Variants in PYHIN1 observed in about 807,000 individuals in gnomAD.
The protein encoded by PYHIN1 is pyrin and HIN domain family member 1, also known as pyrin and HIN domain-containing protein 1.
PYHIN1 carries 32 observed loss-of-function variants against 43.7 expected under a neutral mutation model. That is an observed-to-expected ratio of 0.73 (90% CI 0.55 to 0.98). The LOEUF is 0.98. Ranked by LOEUF, PYHIN1 falls within the 50% of genes least tolerant of loss-of-function variation. The pLI, the probability that PYHIN1 is intolerant of heterozygous loss-of-function variation, is 0.00. For missense variants in PYHIN1, 588 were observed against 589.5 expected (o/e 1.00, Z 0.03); for synonymous variants, 205 against 203.1 (o/e 1.01, Z -0.08).
At chr1:158,940,552 T>C (rs78015443) in intron 4 of PYHIN1, among the ~76,000 whole-genome samples, 1 of 152,290 alleles carries the variant, frequency 6.6e-6, no homozygotes, top group East Asian at 1.9e-4. Context: ...TATGCATGTA[T>C]CAGCAATAGT....
intron 7 of PYHIN1, among the ~76,000 whole-genome samples, chr1:158,949,833 G>C (rs115322446): frequency 6.6e-6 from 1 of 152,184 alleles, no homozygotes; most frequent in Non-Finnish European, 1.5e-5. Context: ...AGCACAGGAA[G>C]GAATGTTTGG....
chr1:158,958,992 T>C (rs1393565553), intron 7 of PYHIN1, among the ~76,000 whole-genome samples: 6 of 151,674 alleles, frequency 4.0e-5, no homozygotes, highest in African/African-American at 1.2e-4. Context: ...TGTCCAGTGA[T>C]GAAACCCTGG....
chr1:158,946,556 T>C (rs1012204474), intron 7 of PYHIN1, among the ~76,000 whole-genome samples: 2 of 128,596 alleles, frequency 1.6e-5, no homozygotes, highest in Admixed American at 1.5e-4. Flanking sequence ...ATTAGATAGA[T>C]AGATAGATAG....
chr1:158,973,795 C>T, intron 8 of PYHIN1, 24 bp downstream of exon 8: 1 of 1,611,468 alleles, frequency 6.2e-7, no homozygotes, highest in Non-Finnish European at 8.5e-7. Flanking sequence ...ATTTGCATTG[C>T]TGTACCTCTA....
chr1:158,949,584 C>T (rs1420611190), intron 7 of PYHIN1, among the ~76,000 whole-genome samples: 2 of 145,886 alleles, frequency 1.4e-5, no homozygotes, highest in Admixed American at 7.1e-5. Context: ...TTCCTGTGTC[C>T]ATGTGTTCTC....
chr1:158,952,996 G>A (rs1342096729), intron 7 of PYHIN1, among the ~76,000 whole-genome samples: 6 of 152,182 alleles, frequency 3.9e-5, no homozygotes, highest in African/African-American at 9.7e-5. Context: ...GGTGATCGAC[G>A]CACCTGGAAA....
chr1:158,979,980 T>C (rs1651434601), downstream of PYHIN1, among the ~76,000 whole-genome samples: 1 of 152,130 alleles, frequency 6.6e-6, no homozygotes, highest in Admixed American at 6.5e-5. Context: ...TAAGAACAAG[T>C]GGTATTTGGT....
At chr1:158,962,385 G>T (rs1490935215) in intron 7 of PYHIN1, among the ~76,000 whole-genome samples, 1 of 152,126 alleles carries the variant, frequency 6.6e-6, no homozygotes, top group Admixed American at 6.5e-5. Flanking sequence ...TGAAGGATGG[G>T]CAGTGATTAG....
intron 4 of PYHIN1, among the ~76,000 whole-genome samples, chr1:158,941,455 C>T (rs1458268960): frequency 6.6e-6 from 1 of 152,114 alleles, no homozygotes; most frequent in Non-Finnish European, 1.5e-5. Context: ...GGTGTTCTCA[C>T]CTGCTTTAAC....
At chr1:158,963,160 A>G (rs1034772454) in intron 7 of PYHIN1, among the ~76,000 whole-genome samples, 1 of 152,080 alleles carries the variant, frequency 6.6e-6, no homozygotes, top group Non-Finnish European at 1.5e-5. Flanking sequence ...GGCAACCAAA[A>G]GCCCCTCTGC....
chr1:158,977,587 T>C (rs776887326), downstream of PYHIN1, among the ~76,000 whole-genome samples: 8 of 152,032 alleles, frequency 5.3e-5, no homozygotes, highest in Non-Finnish European at 1.0e-4. Context: ...GAAGAATAAT[T>C]AATTTATTTT....
chr1:158,965,933 A>T (rs917706133), intron 7 of PYHIN1, among the ~76,000 whole-genome samples: 2 of 152,130 alleles, frequency 1.3e-5, no homozygotes, highest in African/African-American at 4.8e-5. Flanking sequence ...ACAGACAAAG[A>T]TCAACGAATC....
At chr1:158,986,852 C>T in the PYHIN1 span, among the ~76,000 whole-genome samples, 2 of 152,146 alleles carry the variant, frequency 1.3e-5, no homozygotes, top group African/African-American at 4.8e-5. Context: ...CACTTTTAGC[C>T]AGCTCAGATG....
chr1:158,948,313 T>C (rs1408275614), intron 7 of PYHIN1, among the ~76,000 whole-genome samples: 1 of 152,070 alleles, frequency 6.6e-6, no homozygotes, highest in Non-Finnish European at 1.5e-5. Flanking sequence ...TGTGGATCTA[T>C]AGTGTGAAAG....
At chr1:158,972,827 T>C (rs1651010008) in intron 7 of PYHIN1, among the ~76,000 whole-genome samples, 1 of 152,092 alleles carries the variant, frequency 6.6e-6, no homozygotes, top group East Asian at 1.9e-4. Context: ...GTCCTTCACA[T>C]GTCCATTTAT....
At chr1:158,940,990 T>G (rs185006082) in intron 4 of PYHIN1, among the ~76,000 whole-genome samples, 1 of 152,370 alleles carries the variant, frequency 6.6e-6, no homozygotes, top group East Asian at 1.9e-4. Flanking sequence ...TATCAGTTAC[T>G]ATTAATATTC....
At chr1:158,968,148 T>C (rs535115691) in intron 7 of PYHIN1, among the ~76,000 whole-genome samples, 60 of 151,544 alleles carry the variant, frequency 4.0e-4, no homozygotes, top group African/African-American at 1.4e-3. Context: ...ACCAACAAAG[T>C]AATCAAACTA....
rs376567922 is a variant in PYHIN1 at position 158,941,973 on chromosome 1, G to A, written c.580-4G>A. Reference sequence around the variant, plus strand: ...TTTTTGTATTCCTTTTGTATCATGCGCAGAGCCTAAAACCATTGGCCAACC... The same window carrying A: ...TTTTTGTATTCCTTTTGTATCATGCACAGAGCCTAAAACCATTGGCCAACC... On this transcript the variant is annotated splice_region_variant and splice_polypyrimidine_tract_variant and intron_variant, in intron 4 of 8. Coordinates refer to ENST00000368140, the MANE Select transcript of PYHIN1 (RefSeq NM_152501.5). 197 of 1,584,648 alleles carry A rather than the reference G, an allele frequency of 1.2e-4. No homozygotes were observed. Among genetic ancestry groups the A allele is most frequent in the Admixed American group, 3.1e-4 (17 of 54,640 alleles).
chr1:158,944,029 C>T (rs1214008250), intron 6 of PYHIN1, 51 bp downstream of exon 6: 1 of 1,483,270 alleles, frequency 6.7e-7, no homozygotes, highest in Non-Finnish European at 9.1e-7. Context: ...AAATCATTTG[C>T]TTTAAGTTTT....
Sources: gnomAD v4.1 joint callset for allele counts (sites outside exome capture counted in the v4.1 genomes callset) on GRCh38, gnomAD v4.1.1 for gene constraint, MANE v1.5 for transcripts, NCBI Gene and HGNC (gene_info 2026-07-23, HGNC 2026-07-21) for gene names.